WWOX: variants seen among roughly 807,000 people sequenced by gnomAD.
The protein encoded by WWOX is WW domain containing oxidoreductase.
In WWOX, 69 loss-of-function variants were observed where a neutral mutation model predicts 46.2. The ratio of observed to expected loss-of-function variants is 1.49; its 90% CI spans 1.23 to 1.82. WWOX has a LOEUF of 1.82. WWOX is among the 40% of genes most tolerant of loss of function. The pLI, the probability that WWOX is intolerant of heterozygous loss-of-function variation, is 0.00. For missense variants in WWOX, 919 were observed against 542.6 expected (o/e 1.69, Z -6.89); for synonymous variants, 359 against 202.6 (o/e 1.77, Z -6.56).
At chr16:79,097,061 GA>G (rs1469014679) in intron 8 of WWOX, among the ~76,000 whole-genome samples, 1 of 151,902 alleles carries the variant, frequency 6.6e-6, no homozygotes, top group Non-Finnish European at 1.5e-5. Context: ...GGTCAGGTTG[GA>G]TTTTTTTTTT....
At chr16:78,964,279 T>C (rs546041715) in intron 8 of WWOX, among the ~76,000 whole-genome samples, 3 of 152,346 alleles carry the variant, frequency 2.0e-5, no homozygotes, top group Admixed American at 6.5e-5. Context: ...TAGAGACTTG[T>C]TGAATGGCTT....
chr16:79,163,054 AAC>A (rs762057864), intron 8 of WWOX, among the ~76,000 whole-genome samples: 1 of 152,198 alleles, frequency 6.6e-6, no homozygotes, highest in Non-Finnish European at 1.5e-5. Flanking sequence ...CATTTATCCA[AAC>A]ACACAGGATG....
intron 4 of WWOX, among the ~76,000 whole-genome samples, chr16:78,117,072 T>C (rs1427256395): frequency 1.3e-5 from 2 of 152,182 alleles, no homozygotes; most frequent in Non-Finnish European, 2.9e-5. Context: ...TTCTGAAGCA[T>C]TGAGAATAAA....
chr16:78,452,169 A>G (rs542938078), intron 8 of WWOX, among the ~76,000 whole-genome samples: 9 of 152,330 alleles, frequency 5.9e-5, no homozygotes, highest in African/African-American at 2.2e-4. Flanking sequence ...CCAGGCCAAA[A>G]GTAACTTTAT....
intron 8 of WWOX, among the ~76,000 whole-genome samples, chr16:79,170,232 C>T (rs1278808119): frequency 6.6e-6 from 1 of 152,208 alleles, no homozygotes; most frequent in Non-Finnish European, 1.5e-5. Context: ...TCCTTACAAA[C>T]ATCATCTCAT....
intron 8 of WWOX, among the ~76,000 whole-genome samples, chr16:78,536,390 A>T (rs774221123): frequency 2.0e-5 from 3 of 151,764 alleles, no homozygotes; most frequent in African/African-American, 7.3e-5. Context: ...GGCATCCAAG[A>T]TAATGTAATC....
chr16:78,689,757 A>G (rs1262413481), intron 8 of WWOX, among the ~76,000 whole-genome samples: 2 of 152,084 alleles, frequency 1.3e-5, no homozygotes, highest in Admixed American at 6.6e-5. Context: ...GTTGAGCCCT[A>G]TCTCTCTCCC....
intron 8 of WWOX, among the ~76,000 whole-genome samples, chr16:79,031,798 A>ATT (rs202123737): frequency 0.14 from 19,263 of 142,640 alleles, 1,399 homozygotes; most frequent in East Asian, 0.19. Flanking sequence ...ATCTATATAT[A>ATT]GATATCTATA....
chr16:78,352,443 G>C (rs1449064519), intron 5 of WWOX, among the ~76,000 whole-genome samples: 1 of 152,178 alleles, frequency 6.6e-6, no homozygotes. Context: ...GCTGTTTCCA[G>C]CTTCCAGGGA....
At chr16:78,531,893 T>C (rs1422370740) in intron 8 of WWOX, among the ~76,000 whole-genome samples, 1 of 152,082 alleles carries the variant, frequency 6.6e-6, no homozygotes, top group East Asian at 1.9e-4. Flanking sequence ...AAAAATTGTT[T>C]AAACCTGCCA....
chr16:78,916,600 A>C (rs1045041413), intron 8 of WWOX, among the ~76,000 whole-genome samples: 2 of 152,236 alleles, frequency 1.3e-5, no homozygotes, highest in Admixed American at 6.5e-5. Flanking sequence ...ATACCAAGAC[A>C]ACAGACATAA....
intron 8 of WWOX, among the ~76,000 whole-genome samples, chr16:78,705,070 G>C (rs2048303551): frequency 6.6e-6 from 1 of 152,220 alleles, no homozygotes; most frequent in African/African-American, 2.4e-5. Context: ...AAAATGAGCT[G>C]CCTGGTTTAT....
chr16:79,056,895 A>G (rs1179249293), intron 8 of WWOX, among the ~76,000 whole-genome samples: 2 of 152,232 alleles, frequency 1.3e-5, no homozygotes, highest in Non-Finnish European at 2.9e-5. Flanking sequence ...GGGCACTTCA[A>G]ACCTACAAAA....
chr16:79,141,164 G>C (rs777453502), intron 8 of WWOX, among the ~76,000 whole-genome samples: 1 of 152,160 alleles, frequency 6.6e-6, no homozygotes, highest in African/African-American at 2.4e-5. Context: ...CTTTGGAGAG[G>C]CTATTCAGAA....
chr16:78,697,441 A>G (rs900011171), intron 8 of WWOX, among the ~76,000 whole-genome samples: 13 of 152,236 alleles, frequency 8.5e-5, no homozygotes, highest in Non-Finnish European at 1.9e-4. Context: ...GCCCAGCAAA[A>G]GGAACAGTCA....
chr16:78,406,307 T>TAA (rs60615202), intron 6 of WWOX, among the ~76,000 whole-genome samples: 636 of 16,204 alleles, frequency 0.039, 9 homozygotes, highest in East Asian at 0.15. Context: ...AATATAAATA[T>TAA]ATATATATAT....
intron 8 of WWOX, among the ~76,000 whole-genome samples, chr16:78,997,040 G>A (rs1344863917): frequency 6.6e-6 from 1 of 152,180 alleles, no homozygotes; most frequent in African/African-American, 2.4e-5. Context: ...ATAGTTGATA[G>A]TGCTGCCACA....
At chr16:78,426,012 A>G (rs964583061) in intron 7 of WWOX, among the ~76,000 whole-genome samples, 3 of 152,178 alleles carry the variant, frequency 2.0e-5, no homozygotes, top group African/African-American at 4.8e-5. Context: ...TGAACCCTTT[A>G]TCACTCCCAA....
chr16:78,718,610 C>T (rs889397663), intron 8 of WWOX, among the ~76,000 whole-genome samples: 6 of 151,910 alleles, frequency 3.9e-5, no homozygotes, highest in South Asian at 2.1e-4. Flanking sequence ...TGGAGGGTGA[C>T]GGTGGGAGGA....
Sources: gnomAD v4.1 joint callset for allele counts (sites outside exome capture counted in the v4.1 genomes callset) on GRCh38, gnomAD v4.1.1 for gene constraint, MANE v1.5 for transcripts, NCBI Gene and HGNC (gene_info 2026-07-23, HGNC 2026-07-21) for gene names.